The following ERC1 variants were observed in gnomAD, a reference collection of about 807,000 sequenced individuals.
ERC1 encodes the protein ELKS/RAB6-interacting/CAST family member 1.
Under a neutral mutation model 132.0 loss-of-function variants are expected in ERC1, and 56 were observed. The ratio of observed to expected loss-of-function variants is 0.42; its 90% CI spans 0.34 to 0.53. The LOEUF (loss-of-function observed/expected upper bound fraction) is 0.53, where lower values mean the gene tolerates loss of function less well. Ranked by LOEUF, ERC1 falls within the 20% of genes least tolerant of loss-of-function variation. ERC1 has a pLI of 0.03. For synonymous variants in ERC1, 478 were observed against 476.1 expected (o/e 1.00, Z -0.05); for missense variants, 1,202 against 1,349.9 (o/e 0.89, Z 1.72).
intron 9 of ERC1, among the ~76,000 whole-genome samples, chr12:1,181,669 G>A (rs1019457418): frequency 5.3e-5 from 8 of 151,810 alleles, no homozygotes; most frequent in African/African-American, 1.9e-4. Flanking sequence ...GTGGTGGCAT[G>A]CTACTTGGGA....
chr12:1,340,371 G>A (rs147868365), intron 15 of ERC1, among the ~76,000 whole-genome samples: 4 of 152,210 alleles, frequency 2.6e-5, no homozygotes, highest in Non-Finnish European at 5.9e-5. Context: ...CCCTAGCCAT[G>A]CTCCACTACA....
At chr12:1,175,626 T>C (rs1733373929) in intron 8 of ERC1, among the ~76,000 whole-genome samples, 1 of 151,676 alleles carries the variant, frequency 6.6e-6, no homozygotes, top group Non-Finnish European at 1.5e-5. Flanking sequence ...CTCTGCCTCC[T>C]GGGTTCAAGT....
At chr12:1,462,237 G>A (rs926836627) in intron 18 of ERC1, among the ~76,000 whole-genome samples, 3 of 152,204 alleles carry the variant, frequency 2.0e-5, no homozygotes, top group African/African-American at 7.2e-5. Context: ...CTGATACACT[G>A]TGATGAGAGG....
intron 15 of ERC1, among the ~76,000 whole-genome samples, chr12:1,331,157 C>A (rs573780162): frequency 6.6e-6 from 1 of 152,326 alleles, no homozygotes; most frequent in Non-Finnish European, 1.5e-5. Context: ...CTTTGTGCTT[C>A]CCTCCAGTGA....
At chr12:1,451,253 A>C (rs985376569) in intron 18 of ERC1, among the ~76,000 whole-genome samples, 2 of 152,146 alleles carry the variant, frequency 1.3e-5, no homozygotes, top group African/African-American at 4.8e-5. Context: ...TACCATTTTC[A>C]AAAATCTTTG....
chr12:1,265,491 C>G (rs1216637594), intron 14 of ERC1, among the ~76,000 whole-genome samples: 1 of 152,216 alleles, frequency 6.6e-6, no homozygotes, highest in East Asian at 1.9e-4. Flanking sequence ...TTACGCCTTT[C>G]TCTGCCTCAG....
chr12:1,050,516 G>A (rs562899942), intron 2 of ERC1, among the ~76,000 whole-genome samples: 1 of 152,248 alleles, frequency 6.6e-6, no homozygotes, highest in East Asian at 1.9e-4. Context: ...GGACTGCTGG[G>A]GGAAGGCTCA....
At chr12:1,264,963 A>G (rs1422854463) in intron 14 of ERC1, among the ~76,000 whole-genome samples, 1 of 152,174 alleles carries the variant, frequency 6.6e-6, no homozygotes, top group Non-Finnish European at 1.5e-5. Context: ...TTTTGTGTCA[A>G]GTATAGAAAA....
chr12:1,267,397 C>G (rs2077547907), intron 14 of ERC1, among the ~76,000 whole-genome samples: 1 of 152,208 alleles, frequency 6.6e-6, no homozygotes, highest in African/African-American at 2.4e-5. Flanking sequence ...GAGCAGTATG[C>G]TTAGTTCAGC....
chr12:1,308,998 T>G (rs2081087391), intron 15 of ERC1, among the ~76,000 whole-genome samples: 1 of 152,204 alleles, frequency 6.6e-6, no homozygotes, highest in African/African-American at 2.4e-5. Context: ...CCCCTTCCAC[T>G]GTGTGAGAAA....
intron 1 of ERC1, among the ~76,000 whole-genome samples, chr12:994,066 CAAAAAA>C (rs72073964): frequency 1.9e-4 from 12 of 64,206 alleles, no homozygotes; most frequent in South Asian, 1.9e-3. Flanking sequence ...AACTCCGTCT[CAAAAAA>C]AAAAAAAAAA....
intron 1 of ERC1, among the ~76,000 whole-genome samples, chr12:1,008,957 A>G (rs1358204605): frequency 6.6e-6 from 1 of 152,152 alleles, no homozygotes; most frequent in Non-Finnish European, 1.5e-5. Context: ...ATAACTGCTC[A>G]CTGGATGGTT....
intron 14 of ERC1, among the ~76,000 whole-genome samples, chr12:1,264,172 G>A (rs2077325617): frequency 6.6e-6 from 1 of 152,132 alleles, no homozygotes; most frequent in South Asian, 2.1e-4. Context: ...AGCCTCGGAG[G>A]GACTTGCTGA....
intron 18 of ERC1, among the ~76,000 whole-genome samples, chr12:1,489,204 C>T (rs934991286): frequency 5.9e-5 from 9 of 152,196 alleles, no homozygotes; most frequent in African/African-American, 2.2e-4. Flanking sequence ...AGGCCTGTCC[C>T]AGCCCCACGC....
intron 16 of ERC1, chr12:1,386,553 T>C (rs1278649003): frequency 6.9e-6 from 1 of 145,830 alleles, no homozygotes; most frequent in African/African-American, 2.6e-5. Context: ...GAGGCTGAGG[T>C]GGGAGGATCG....
chr12:1,495,749 C>T lies in ERC1; in HGVS notation c.*5519C>T, dbSNP rs897475371. The T allele has an allele frequency of 7.6e-5, 17 of 223,040 alleles. No homozygotes were observed. The highest frequency in any genetic ancestry group is 1.3e-4 in the Non-Finnish European group (15 of 111,712). The allele number at this position is 223,040 out of a possible 1,614,324, so 13.8% of individuals were successfully genotyped here. A position where few individuals can be genotyped will look rare whatever the true frequency, so the allele number is the denominator to read the frequency against. On this transcript the variant is annotated 3_prime_UTR_variant, in exon 19 of 19. Transcript: ENST00000360905. ...GTGGTGTCTGGGATGCACGTGCACC[C>T]GCTGCCTTCAGCTGTATGTGTGTGT...
chr12:1,194,807 T>A (rs1415042201), intron 12 of ERC1, among the ~76,000 whole-genome samples: 2 of 152,134 alleles, frequency 1.3e-5, no homozygotes, highest in African/African-American at 4.8e-5. Context: ...TGCCTTTGGT[T>A]TATCAAAGTT....
At chr12:1,047,925 G>T (rs1439351599) in intron 2 of ERC1, among the ~76,000 whole-genome samples, 1 of 152,100 alleles carries the variant, frequency 6.6e-6, no homozygotes, top group Non-Finnish European at 1.5e-5. Context: ...GAATTAGGGT[G>T]GGTAAAGGGT....
intron 7 of ERC1, among the ~76,000 whole-genome samples, chr12:1,136,351 T>C (rs1593595564): frequency 6.6e-6 from 1 of 152,232 alleles, no homozygotes; most frequent in African/African-American, 2.4e-5. Flanking sequence ...CATCTTCTGC[T>C]CATCTTTACA....
Sources: gnomAD v4.1 joint callset for allele counts (sites outside exome capture counted in the v4.1 genomes callset) on GRCh38, gnomAD v4.1.1 for gene constraint, MANE v1.5 for transcripts, NCBI Gene and HGNC (gene_info 2026-07-23, HGNC 2026-07-21) for gene names.